Variants in ATG7 observed in about 807,000 individuals in gnomAD.
The protein encoded by ATG7 is ubiquitin-like modifier-activating enzyme ATG7.
Under a neutral mutation model 82.4 loss-of-function variants are expected in ATG7, and 70 were observed. The observed-to-expected ratio is 0.85, with a 90% confidence interval of 0.70 to 1.04. The LOEUF is 1.04. Ranked by LOEUF, ATG7 falls within the 50% of genes least tolerant of loss-of-function variation. ATG7 has a pLI of 0.00. For missense variants in ATG7, 792 were observed against 864.3 expected, an observed-to-expected ratio of 0.92 and a Z score of 1.05; for synonymous variants, 287 against 313.0, an observed-to-expected ratio of 0.92 and a Z score of 0.88.
intron 20 of ATG7, among the ~76,000 whole-genome samples, chr3:11,428,449 T>G (rs1250384658): frequency 6.6e-6 from 1 of 152,230 alleles, no homozygotes; most frequent in African/African-American, 2.4e-5. Flanking sequence ...GTGCTGGACT[T>G]AAACTGAAGG....
chr3:11,496,608 T>C (rs2090852070), intron 20 of ATG7, among the ~76,000 whole-genome samples: 1 of 152,196 alleles, frequency 6.6e-6, no homozygotes, highest in African/African-American at 2.4e-5. Flanking sequence ...AACCAGAGAA[T>C]GCCTGCATGA....
chr3:11,526,780 C>T lies in ATG7; in HGVS notation c.2080-28031C>T, dbSNP rs964230083. Among the ~76,000 whole-genome samples the T allele has an allele frequency of 2.0e-5, 3 of 152,032 alleles. No homozygotes were observed. In the East Asian group the frequency reaches 5.8e-4, roughly 29 times the overall value. ...TACAAAATAATGTTGAAATGAACTG[C>T]TTATGGAAGATTCCTGAAATTGTTC... On this transcript the variant is annotated intron_variant, in intron 20 of 20. Transcript: ENST00000693202.
At chr3:11,319,871 A>G (rs1949979553) in intron 9 of ATG7, among the ~76,000 whole-genome samples, 1 of 152,122 alleles carries the variant, frequency 6.6e-6, no homozygotes, top group Admixed American at 6.5e-5. Context: ...GCAGCTTCCT[A>G]ACAAGCCTCC....
At chr3:11,417,091 C>A (rs778250854) in intron 19 of ATG7, among the ~76,000 whole-genome samples, 1 of 151,988 alleles carries the variant, frequency 6.6e-6, no homozygotes, top group Non-Finnish European at 1.5e-5. Context: ...GTTTTATGGC[C>A]CAGAATGTTC....
Position 11,557,083 on chromosome 3 carries a change from C to G in ATG7, c.*2240C>G, listed in dbSNP as rs555930754. On this transcript the variant is annotated 3_prime_UTR_variant, in exon 21 of 21. Coordinates refer to ENST00000693202, the MANE Select transcript of ATG7 (RefSeq NM_001349232.2). ...CCCACGTCACCTGGTCAGGTGCCAT[C>G]GTCGTGAGCCTCTGGTGGGCCAGGT... is the stretch of plus-strand genomic sequence containing the variant. 19 of 152,574 alleles carry G rather than the reference C, an allele frequency of 1.2e-4. No individual in the cohort carries two copies. Among genetic ancestry groups the G allele is most frequent in the Admixed American group, 4.6e-4 (7 of 15,300 alleles). The allele number at this position is 152,574 out of a possible 1,614,324, so 9.5% of individuals were successfully genotyped here. A position where few individuals can be genotyped will look rare whatever the true frequency, so the allele number is the denominator to read the frequency against.
chr3:11,295,850 A>C (rs1575229600), intron 3 of ATG7, among the ~76,000 whole-genome samples: 1 of 150,212 alleles, frequency 6.7e-6, no homozygotes, highest in East Asian at 2.0e-4. Flanking sequence ...GCAATGGCAC[A>C]ATCTCGGTTC....
chr3:11,394,092 T>C (rs1285829550), intron 19 of ATG7, among the ~76,000 whole-genome samples: 1 of 152,220 alleles, frequency 6.6e-6, no homozygotes, highest in Non-Finnish European at 1.5e-5. Context: ...TCCAGGGTCA[T>C]AGAATGAGTA....
chr3:11,383,263 T>G (rs923456594), intron 19 of ATG7, among the ~76,000 whole-genome samples: 1 of 152,174 alleles, frequency 6.6e-6, no homozygotes, highest in Non-Finnish European at 1.5e-5. Flanking sequence ...TTCATCTTTC[T>G]TTATCTTTCT....
At chr3:11,573,307 GGAAGGAAGGAAGAAAGAAAGAAAGA>G in the ATG7 span, among the ~76,000 whole-genome samples, 3 of 19,962 alleles carry the variant, frequency 1.5e-4, no homozygotes, top group African/African-American at 1.3e-3. Context: ...AAGAAAGAAA[GGAAGGAAGGAAGAAAGAAAGAAAGA>G]AAGAAAGAAA....
intron 9 of ATG7, among the ~76,000 whole-genome samples, chr3:11,321,162 C>T (rs777551896): frequency 1.3e-5 from 2 of 152,302 alleles, no homozygotes; most frequent in South Asian, 4.1e-4. Flanking sequence ...ATGTCAGAGA[C>T]GCACAGAGTG....
intron 20 of ATG7, among the ~76,000 whole-genome samples, chr3:11,495,441 G>T (rs1319991755): frequency 6.8e-6 from 1 of 146,640 alleles, no homozygotes; most frequent in African/African-American, 2.5e-5. Flanking sequence ...CATACAAGGA[G>T]ACAGGCTGGC....
chr3:11,350,916 C>A (rs1195167637), intron 14 of ATG7, among the ~76,000 whole-genome samples: 6 of 132,566 alleles, frequency 4.5e-5, no homozygotes, highest in African/African-American at 1.2e-4. Flanking sequence ...TAGTTGAGAC[C>A]CTAGCCCAAA....
the ATG7 span, among the ~76,000 whole-genome samples, chr3:11,567,343 G>A: frequency 3.0e-3 from 459 of 152,226 alleles, 2 homozygotes; most frequent in South Asian, 8.7e-3. Flanking sequence ...TGATTATAGG[G>A]TGATTAGCTG....
intron 19 of ATG7, among the ~76,000 whole-genome samples, 153 bp downstream of exon 19, chr3:11,380,205 GGATCT>G (rs2077779046): frequency 6.6e-6 from 1 of 152,176 alleles, no homozygotes. Context: ...TTGTTTTCAT[GGATCT>G]GTATTCATTC....
At chr3:11,352,643 G>A (rs184875405) in intron 14 of ATG7, among the ~76,000 whole-genome samples, 2 of 152,292 alleles carry the variant, frequency 1.3e-5, no homozygotes, top group African/African-American at 4.8e-5. Flanking sequence ...CGGAGAAAAG[G>A]CTTGACCTAA....
At chr3:11,272,598 T>A (rs1940682276) in intron 1 of ATG7, 168 bp downstream of exon 1, 1 of 152,408 alleles carries the variant, frequency 6.6e-6, no homozygotes, top group South Asian at 2.1e-4. Flanking sequence ...ACTCACTGAT[T>A]CCGGCTGGCG....
At chr3:11,325,751 A>G (rs546332578) in intron 9 of ATG7, among the ~76,000 whole-genome samples, 1 of 152,334 alleles carries the variant, frequency 6.6e-6, no homozygotes, top group Non-Finnish European at 1.5e-5. Context: ...AGGTTACACA[A>G]GAGCAAGTGA....
At chr3:11,438,698 T>TA (rs1316711189) in intron 20 of ATG7, among the ~76,000 whole-genome samples, 2 of 152,166 alleles carry the variant, frequency 1.3e-5, no homozygotes, top group African/African-American at 2.4e-5. Context: ...TTTGAATTAT[T>TA]AAAAAAATTA....
chr3:11,304,736 G>C (rs1202827004), intron 5 of ATG7: 1 of 152,180 alleles, frequency 6.6e-6, no homozygotes. Flanking sequence ...CCAGTCTTCC[G>C]GCCTTTGTGA....
Sources: allele counts gnomAD v4.1 joint callset (sites outside exome capture counted in the v4.1 genomes callset), GRCh38; gene constraint gnomAD v4.1.1; transcripts MANE v1.5; gene names NCBI Gene and HGNC (gene_info 2026-07-23, HGNC 2026-07-21).